The following CHIC2 variants were observed in gnomAD, a reference collection of about 807,000 sequenced individuals.
The protein encoded by CHIC2 is cysteine-rich hydrophobic domain-containing protein 2.
Under a neutral mutation model 25.9 loss-of-function variants are expected in CHIC2, and 14 were observed. The observed-to-expected ratio is 0.54, with a 90% CI of 0.36 to 0.85. CHIC2 has a LOEUF of 0.85. Ranked by LOEUF, CHIC2 falls within the 40% of genes least tolerant of loss-of-function variation. The pLI is 0.01. For synonymous variants in CHIC2, 70 were observed against 72.0 expected, an observed-to-expected ratio of 0.97 and a Z score of 0.14; for missense variants, 146 against 202.0, an observed-to-expected ratio of 0.72 and a Z score of 1.68.
rs181708209 is a variant in CHIC2, at chr4:54,013,149, A to T, written c.447+688T>A. Among the ~76,000 whole-genome samples, 274 of 152,266 alleles carry T rather than the reference A, an allele frequency of 1.8e-3. 1 individual carries two copies. The highest frequency in any genetic ancestry group is 6.4e-3 in the African/African-American group (267 of 41,572). On this transcript the variant is annotated intron_variant, in intron 5 of 5. Transcript: ENST00000263921. Reference sequence around the variant, plus strand: ...TATCCAAGCTCAAAAGAGAATTAAAATTCTTAATTTTCTAGAGTATTCTGA... The same window carrying T: ...TATCCAAGCTCAAAAGAGAATTAAATTTCTTAATTTTCTAGAGTATTCTGA...
At chr4:54,044,439 A>T (rs1716703135) in intron 3 of CHIC2, among the ~76,000 whole-genome samples, 1 of 151,998 alleles carries the variant, frequency 6.6e-6, no homozygotes, top group South Asian at 2.1e-4. Context: ...AACAGAAATT[A>T]TAACAGTCTC....
rs1277399993 is a variant in CHIC2 at position 54,046,336 on chromosome 4, T to C, written c.330+2619A>G. 2.6e-5 allele frequency among the ~76,000 whole-genome samples: 4 copies of C among 152,248 alleles called. No homozygotes were observed. The South Asian group carries it at 6.2e-4, about 24-fold the overall frequency. On this transcript the variant is annotated intron_variant, in intron 3 of 5. Coordinates refer to ENST00000263921, the MANE Select transcript of CHIC2 (RefSeq NM_012110.4). ...ATATGGAACCAAAAAAGAGCCCGCA[T>C]CGCCAAGTCAATCCTAAGCCAAAAG...
rs148329899 is a variant in CHIC2 at position 54,048,835 on chromosome 4, T to C, written c.330+120A>G. On this transcript the variant is annotated intron_variant, in intron 3 of 5. Transcript: ENST00000263921. ...TGACTCACTCCTCTCCTGGATCAGA[T>C]TATTTTCATATTTTATTCAGGATAG... 1.1e-3 allele frequency: 886 copies of C among 821,010 alleles called. 6 individuals carry two copies. In the African/African-American group the frequency reaches 0.014, roughly 13 times the overall value. 50.9% of individuals were successfully genotyped at this position (821,010 alleles called of 1,614,324 possible).
At chr4:54,077,266 A>G in the CHIC2 span, among the ~76,000 whole-genome samples, 15 of 152,322 alleles carry the variant, frequency 9.8e-5, no homozygotes, top group African/African-American at 3.6e-4. Context: ...AATGAAGACA[A>G]TATTCCTTTC....
At position 54,010,050 on chromosome 4, in the gene CHIC2, T is replaced by C. The variant is rs1187312301; in HGVS notation, c.*45A>G. 2.2e-6 allele frequency: 3 copies of C among 1,383,862 alleles called. No individual in the cohort carries two copies. Among genetic ancestry groups the C allele is most frequent in the Non-Finnish European group, 3.1e-6 (3 of 977,390 alleles). 85.7% of individuals were successfully genotyped at this position (1,383,862 alleles called of 1,614,324 possible). ...AGGAGAGCACCAAGCAAGGCACCAT[T>C]GGAAAGACAACATACTTGGAAAGTC... is the stretch of plus-strand genomic sequence containing the variant. On this transcript the variant is annotated 3_prime_UTR_variant, in exon 6 of 6. Coordinates refer to ENST00000263921, the MANE Select transcript of CHIC2 (RefSeq NM_012110.4).
At chr4:54,075,688 G>C in the CHIC2 span, among the ~76,000 whole-genome samples, 1 of 152,040 alleles carries the variant, frequency 6.6e-6, no homozygotes, top group Non-Finnish European at 1.5e-5. Context: ...TGAGTAGCTG[G>C]GATTACAGGC....
intron 3 of CHIC2, among the ~76,000 whole-genome samples, chr4:54,018,966 A>C (rs1475464694): frequency 6.6e-6 from 1 of 151,896 alleles, no homozygotes; most frequent in African/African-American, 2.4e-5. Context: ...CTTGTTTTTA[A>C]CTTATATTTT....
intron 3 of CHIC2, among the ~76,000 whole-genome samples, chr4:54,034,513 CTT>C (rs1491237366): frequency 6.6e-6 from 1 of 151,710 alleles, no homozygotes; most frequent in African/African-American, 2.4e-5. Flanking sequence ...TTTAGTGTGT[CTT>C]ATATATGTTT....
At chr4:54,062,470 A>G (rs534993674) in intron 1 of CHIC2, among the ~76,000 whole-genome samples, 2 of 152,276 alleles carry the variant, frequency 1.3e-5, no homozygotes, top group East Asian at 3.9e-4. Flanking sequence ...TCTAATGGAC[A>G]GCTAAGTTTG....
At chr4:54,085,777 T>C in the CHIC2 span, among the ~76,000 whole-genome samples, 1 of 152,112 alleles carries the variant, frequency 6.6e-6, no homozygotes, top group African/African-American at 2.4e-5. Context: ...TTTAGAAGCA[T>C]CCACAGTAAA....
chr4:54,057,413 A>G (rs766485151), intron 1 of CHIC2, among the ~76,000 whole-genome samples: 1 of 152,168 alleles, frequency 6.6e-6, no homozygotes, highest in Admixed American at 6.5e-5. Context: ...TCAGTTCCTC[A>G]GGCAAGTCAA....
chr4:54,078,138 C>T, the CHIC2 span, among the ~76,000 whole-genome samples: 4 of 152,218 alleles, frequency 2.6e-5, no homozygotes, highest in African/African-American at 9.6e-5. Flanking sequence ...ATAGAGGTTT[C>T]TTCAAGTTAC....
Position 54,064,306 on chromosome 4 carries a change from G to A in CHIC2, c.-6C>T. 6.2e-7 allele frequency: 1 copy of A among 1,613,258 alleles called. No individual in the cohort carries two copies. ...ATTTCGTCGAAATCCGCCATCCTGA[G>A]CCTCCGAGCTCCCCTGCCCAAAGGG... On this transcript the variant is annotated 5_prime_UTR_variant, in exon 1 of 6. Coordinates refer to ENST00000263921, the MANE Select transcript of CHIC2 (RefSeq NM_012110.4). This position sits in a 1 kb window ranked among gnomAD's most constrained non-coding sequence, Gnocchi z 4.2.
In CHIC2 at chr4:54,009,800, AG is replaced by A. The variant is rs1173404752; in HGVS notation, c.*294del. 3.8e-6 allele frequency: 1 copy of A among 263,426 alleles called. No homozygotes were observed. Among genetic ancestry groups the A allele is most frequent in the Non-Finnish European group, 7.2e-6 (1 of 138,402 alleles). The allele number at this position is 263,426 out of a possible 1,614,324, so 16.3% of individuals were successfully genotyped here. A position where few individuals can be genotyped will look rare whatever the true frequency, so the allele number is the denominator to read the frequency against. ...AAAAGGCTGGCCACTTTTTATGCTA[AG>A]TTCAAATGTATTTTTTTGATAATAC... On this transcript the variant is annotated 3_prime_UTR_variant, in exon 6 of 6. Coordinates refer to ENST00000263921, the MANE Select transcript of CHIC2 (RefSeq NM_012110.4).
chr4:54,014,054 G>A lies in CHIC2; in HGVS notation c.387+9C>T, dbSNP rs975402851. The A allele has an allele frequency of 6.2e-7, 1 of 1,612,730 alleles. No homozygotes were observed. Among genetic ancestry groups the A allele is most frequent in the Non-Finnish European group, 8.5e-7 (1 of 1,179,174 alleles). On this transcript the variant is annotated intron_variant, in intron 4 of 5. Transcript: ENST00000263921. Reference sequence around the variant, plus strand: ...CCAACAGTACGAAGCTGCTCCCTGTGGTACTCACCTTGTGGTATAACCTAT... The same window carrying A: ...CCAACAGTACGAAGCTGCTCCCTGTAGTACTCACCTTGTGGTATAACCTAT...
At chr4:54,032,104 G>C (rs1347747296) in intron 3 of CHIC2, among the ~76,000 whole-genome samples, 1 of 152,082 alleles carries the variant, frequency 6.6e-6, no homozygotes, top group Non-Finnish European at 1.5e-5. Context: ...ATAAATAAAA[G>C]CACAAAGGAA....
At chr4:54,038,081 A>C (rs967018655) in intron 3 of CHIC2, among the ~76,000 whole-genome samples, 5 of 152,142 alleles carry the variant, frequency 3.3e-5, no homozygotes, top group African/African-American at 1.2e-4. Context: ...AGAATAAAGC[A>C]AGGAGTTTGC....
intron 1 of CHIC2, among the ~76,000 whole-genome samples, chr4:54,053,512 G>A (rs1331874265): frequency 7.7e-5 from 11 of 142,826 alleles, no homozygotes; most frequent in South Asian, 2.2e-4. Flanking sequence ...CCAAGATTGC[G>A]TCACTGCACT....
chr4:54,062,478 T>C (rs1425626080), intron 1 of CHIC2, among the ~76,000 whole-genome samples: 1 of 152,122 alleles, frequency 6.6e-6, no homozygotes, highest in Non-Finnish European at 1.5e-5. Context: ...ACAGCTAAGT[T>C]TGAAAACCAC....
Sources: allele counts gnomAD v4.1 joint callset (sites outside exome capture counted in the v4.1 genomes callset), GRCh38; gene constraint gnomAD v4.1.1; non-coding constraint Gnocchi (gnomAD v3.1); transcripts MANE v1.5; gene names NCBI Gene and HGNC (gene_info 2026-07-23, HGNC 2026-07-21).